The following PKLR variants were observed in gnomAD, a reference collection of about 807,000 sequenced individuals.
The protein encoded by PKLR is pyruvate kinase L/R, also known as pyruvate kinase PKLR.
A neutral mutation model predicts 53.6 loss-of-function variants in PKLR; 38 were observed. The observed-to-expected ratio is 0.71, with a 90% CI of 0.55 to 0.93. The LOEUF is 0.93. PKLR is among the 40% of genes least tolerant of loss of function. The pLI is 0.00. For missense variants in PKLR, 702 were observed against 787.3 expected, an observed-to-expected ratio of 0.89 and a Z score of 1.30; for synonymous variants, 328 against 316.2, an observed-to-expected ratio of 1.04 and a Z score of -0.39.
At chr1:155,301,614 A>G (rs1031287922), upstream of PKLR, among the ~76,000 whole-genome samples, 2 of 151,940 alleles carry the variant, frequency 1.3e-5, no homozygotes, top group African/African-American at 2.4e-5. Flanking sequence ...CAATCCATTC[A>G]TACTATCTGG....
rs190802178 is a variant in PKLR at position 155,295,954 on chromosome 1, G to A, written c.284-198C>T. Reference sequence around the variant, plus strand: ...CAACATCCATCCCCTTGGGGAGGCAGCAGTGTGGAAATCGGAGGGGAGTGC... The same window carrying A: ...CAACATCCATCCCCTTGGGGAGGCAACAGTGTGGAAATCGGAGGGGAGTGC... On this transcript the variant is annotated intron_variant, in intron 2 of 10. Coordinates refer to ENST00000342741, the MANE Select transcript of PKLR (RefSeq NM_000298.6). The surrounding 1 kb of genome is among the most constrained non-coding windows in gnomAD (Gnocchi z 4.3). Among the ~76,000 whole-genome samples the A allele has an allele frequency of 1.1e-4, 17 of 152,322 alleles. No homozygotes were observed. Among genetic ancestry groups the A allele is most frequent in the Admixed American group, 1.1e-3 (17 of 15,306 alleles).
At chr1:155,302,098 C>T (rs2148221731), upstream of PKLR, among the ~76,000 whole-genome samples, 1 of 150,918 alleles carries the variant, frequency 6.6e-6, no homozygotes, top group South Asian at 2.1e-4. Flanking sequence ...CACTCTGTCG[C>T]CCAGGCTGGA....
chr1:155,296,481 T>G (rs568549236), intron 2 of PKLR, among the ~76,000 whole-genome samples: 1 of 152,120 alleles, frequency 6.6e-6, no homozygotes, highest in African/African-American at 2.4e-5. Flanking sequence ...TAGCTGGGAT[T>G]ACAGGTGTGC....
chr1:155,303,053 C>A (rs1648116679), upstream of PKLR, among the ~76,000 whole-genome samples: 1 of 152,186 alleles, frequency 6.6e-6, no homozygotes, highest in Non-Finnish European at 1.5e-5. Flanking sequence ...CCTATAAACA[C>A]CATACCCCGA....
Position 155,293,602 on chromosome 1 carries a change from C to T in PKLR, c.1117-12G>A, listed in dbSNP as rs367709078. ...ATGCTCTCCAGCATCTGGGGGACAGCGTGGATGTCAAAGTTGTAGGACTCA... is the reference window on the plus strand; with the variant it reads ...ATGCTCTCCAGCATCTGGGGGACAGTGTGGATGTCAAAGTTGTAGGACTCA... On this transcript the variant is annotated splice_polypyrimidine_tract_variant and intron_variant, in intron 7 of 10. Transcript: ENST00000342741. This position sits in a 1 kb window ranked among gnomAD's most constrained non-coding sequence, Gnocchi z 4.2. 5.5e-5 allele frequency: 88 copies of T among 1,613,984 alleles called. 1 individual carries two copies. In the South Asian group the frequency reaches 7.4e-4, roughly 13 times the overall value.
intron 1 of PKLR, 162 bp downstream of exon 1, chr1:155,301,134 G>A: frequency 2.9e-6 from 4 of 1,359,372 alleles, no homozygotes; most frequent in Non-Finnish European, 4.1e-6. Context: ...CCCAGGCCAG[G>A]GTCCATAATT....
chr1:155,306,282 A>G (rs1434379185), upstream of PKLR, among the ~76,000 whole-genome samples: 1 of 152,132 alleles, frequency 6.6e-6, no homozygotes, highest in Non-Finnish European at 1.5e-5. The surrounding 1 kb of genome is among the most constrained non-coding windows in gnomAD (Gnocchi z 4.2). Context: ...ACAAACACAC[A>G]TGCTCCAACA....
At chr1:155,306,977 C>T in the PKLR span, among the ~76,000 whole-genome samples, 4 of 152,144 alleles carry the variant, frequency 2.6e-5, no homozygotes, top group South Asian at 2.1e-4. This position sits in a 1 kb window ranked among gnomAD's most constrained non-coding sequence, Gnocchi z 4.2. Flanking sequence ...CCTCCCGGAG[C>T]GATCTCGGTT....
Position 155,301,374 on chromosome 1 carries a change from A to T in PKLR, c.22T>A (p.Ser8Thr). The T allele has an allele frequency of 3.1e-6, 5 of 1,613,930 alleles. No homozygotes were observed. Among genetic ancestry groups the T allele is most frequent in the Non-Finnish European group, 4.2e-6 (5 of 1,179,890 alleles). The change falls in exon 1 of 11, where the codon TCA (serine) becomes ACA (threonine). Residue 8 changes from serine (S) to threonine (T), a missense_variant. Physicochemically the swap from Ser to Thr is moderately conservative, Grantham distance 58. Transcript: ENST00000342741. Reference sequence around the variant, plus strand: ...ACCCATGACCGAAGCTGCAGGGATGATATGTTCTCCTGGATCGACATGCTT... The same window carrying T: ...ACCCATGACCGAAGCTGCAGGGATGTTATGTTCTCCTGGATCGACATGCTT... MSIQENI[S>T]SLQLRSWVSK...
At chr1:155,305,042 A>G (rs1160881895), upstream of PKLR, among the ~76,000 whole-genome samples, 1 of 152,010 alleles carries the variant, frequency 6.6e-6, no homozygotes, top group African/African-American at 2.4e-5. Flanking sequence ...TGAGATGGAG[A>G]GGGTGAGGTT....
chr1:155,294,639 G>C lies in PKLR; in HGVS notation c.808C>G (p.Arg270Gly), dbSNP rs772860949. 2.5e-6 allele frequency: 4 copies of C among 1,614,180 alleles called. No homozygotes were observed. In the East Asian group the frequency reaches 6.7e-5, roughly 27 times the overall value. The part of the protein sequence containing the change: ...DLPGLSEQDV[R>G]DLRFGVEHGV... ...TGCTCCACCCCGAAGCGCAGGTCTC[G>C]GACGTCCTGCTCGGACAGCCCGGGC... Residue 270 changes from arginine (R) to glycine (G), a missense_variant, in exon 6 of 11, where the codon CGA becomes GGA. Physicochemically the swap from Arg to Gly is moderately radical, Grantham distance 125. This residue lies in a region of PKLR where 519 missense variants were observed against 537.1 expected (regional missense o/e 0.97). Coordinates refer to ENST00000342741, the MANE Select transcript of PKLR (RefSeq NM_000298.6).
Position 155,295,258 on chromosome 1 carries a change from C to T in PKLR, c.552G>A (p.Leu184=), listed in dbSNP as rs1187722061. The part of the protein sequence containing the change: ...EVELVKGSQV[L]VTVDPAFRTR... ...TCCGGAACGCGGGGTCCACAGTCAC[C>T]AGCACCTGGGAGCCCTTCACCAGCT... Residue 184 remains leucine, a synonymous_variant, in exon 5 of 11, where the codon CTG becomes CTA. Coordinates refer to ENST00000342741, the MANE Select transcript of PKLR (RefSeq NM_000298.6). This position sits in a 1 kb window ranked among gnomAD's most constrained non-coding sequence, Gnocchi z 4.3. 1.2e-6 allele frequency: 2 copies of T among 1,614,010 alleles called. No individual in the cohort carries two copies. Among genetic ancestry groups the T allele is most frequent in the African/African-American group, 1.3e-5 (1 of 74,944 alleles).
In PKLR at chr1:155,291,770, A is replaced by G. The variant is rs754526647; in HGVS notation, c.1604T>C (p.Phe535Ser). ...WADDVDRRVQ[F>S]GIESGKLRGF... ...AGGTAGCTCACCACTTTCAATGCCA[A>G]ATTGCACCCGGCGATCTACATCATC... is the stretch of plus-strand genomic sequence containing the variant. The change falls in exon 10 of 11, where the codon TTT becomes TCT. Residue 535 changes from phenylalanine (F) to serine (S), a missense_variant. This residue lies in a region of PKLR where 183 missense variants were observed against 250.2 expected (regional missense o/e 0.73). Coordinates refer to ENST00000342741, the MANE Select transcript of PKLR (RefSeq NM_000298.6). 2 of 1,613,978 alleles carry G rather than the reference A, an allele frequency of 1.2e-6. No individual in the cohort carries two copies. The highest frequency in any genetic ancestry group is 1.7e-6 in the Non-Finnish European group (2 of 1,179,964).
rs1169224759 is a variant in PKLR, at chr1:155,300,841, A to C, written c.100+455T>G. ...CAGACACAGAGGTCCCTGTAGCTTGACCCATCCCAGTTCAGAGGAGCCCCC... is the reference window on the plus strand; with the variant it reads ...CAGACACAGAGGTCCCTGTAGCTTGCCCCATCCCAGTTCAGAGGAGCCCCC... On this transcript the variant is annotated intron_variant, in intron 1 of 10. Transcript: ENST00000342741. 4 of 1,606,974 alleles carry C rather than the reference A, an allele frequency of 2.5e-6. No homozygotes were observed. In the Admixed American group the frequency reaches 6.8e-5, roughly 27 times the overall value.
Position 155,293,668 on chromosome 1 carries a change from C to T in PKLR, c.1117-78G>A. On this transcript the variant is annotated intron_variant, in intron 7 of 10. Transcript: ENST00000342741. This position sits in a 1 kb window ranked among gnomAD's most constrained non-coding sequence, Gnocchi z 4.2. ...CCCTGCCCAAGCTACTTCTCTGACA[C>T]CCACACTCTCAGAGTGTCCCAAAAT... The T allele has an allele frequency of 6.9e-7, 1 of 1,442,176 alleles. No individual in the cohort carries two copies. Among genetic ancestry groups the T allele is most frequent in the Non-Finnish European group, 9.7e-7 (1 of 1,029,764 alleles). The allele number at this position is 1,442,176 out of a possible 1,614,324, so 89.3% of individuals were successfully genotyped here. A position where few individuals can be genotyped will look rare whatever the true frequency, so the allele number is the denominator to read the frequency against.
intron 2 of PKLR, among the ~76,000 whole-genome samples, chr1:155,297,133 C>T (rs549096578): frequency 6.6e-6 from 1 of 152,172 alleles, no homozygotes. Context: ...TTCACCTACA[C>T]TCCTTTGGTG....
chr1:155,294,567 C>T lies in PKLR; in HGVS notation c.880G>A (p.Val294Met). ...FASFVRKASD[V>M]AAVRAALGPE... ...CCCAGAGCAGCCCTGACGGCAGCCA[C>T]GTCGCTGGCTTTCCGCACAAAGGAG... Residue 294 changes from valine (V) to methionine (M), a missense_variant, in exon 6 of 11, where the codon GTG (valine) becomes ATG (methionine). This residue lies in a region of PKLR where 519 missense variants were observed against 537.1 expected (regional missense o/e 0.97). Coordinates refer to ENST00000342741, the MANE Select transcript of PKLR (RefSeq NM_000298.6). 6.2e-7 allele frequency: 1 copy of T among 1,614,230 alleles called. No individual in the cohort carries two copies.
rs146187567 is a variant in PKLR at position 155,295,464 on chromosome 1, C to T, written c.480G>A (p.Pro160=). The stretch of plus-strand genomic sequence containing the variant: ...CCTGCAGGATCCCAGTGCGGATCTC[C>T]GGTCCCTTGGTGTCCAGGGCGATGG... ...PVAIALDTKG[P]EIRTGILQGG... Residue 160 remains proline, a synonymous_variant, in exon 4 of 11, where the codon CCG becomes CCA. Coordinates refer to ENST00000342741, the MANE Select transcript of PKLR (RefSeq NM_000298.6). This position sits in a 1 kb window ranked among gnomAD's most constrained non-coding sequence, Gnocchi z 4.3. 12 of 1,608,610 alleles carry T rather than the reference C, an allele frequency of 7.5e-6. No individual in the cohort carries two copies. The highest frequency in any genetic ancestry group is 5.3e-5 in the African/African-American group (4 of 74,826).
In PKLR at chr1:155,293,673, ACT is replaced by A. The variant is rs898218339; in HGVS notation, c.1117-85_1117-84del. On this transcript the variant is annotated intron_variant, in intron 7 of 10. Coordinates refer to ENST00000342741, the MANE Select transcript of PKLR (RefSeq NM_000298.6). This position sits in a 1 kb window ranked among gnomAD's most constrained non-coding sequence, Gnocchi z 4.2. ...CCCAAGCTACTTCTCTGACACCCACACTCTCAGAGTGTCCCAAAATCCAGGGT... is the reference window on the plus strand; with the variant it reads ...CCCAAGCTACTTCTCTGACACCCACACTCAGAGTGTCCCAAAATCCAGGGT... The A allele has an allele frequency of 1.1e-4, 149 of 1,398,666 alleles. No individual in the cohort carries two copies. Among genetic ancestry groups the A allele is most frequent in the Non-Finnish European group, 1.4e-4 (140 of 992,200 alleles). The allele number at this position is 1,398,666 out of a possible 1,614,324, so 86.6% of individuals were successfully genotyped here.
Sources: gnomAD v4.1 joint callset for allele counts (sites outside exome capture counted in the v4.1 genomes callset) on GRCh38, gnomAD v4.1.1 for gene constraint, gnomAD v4.1.1 regional missense constraint, Gnocchi (gnomAD v3.1) non-coding constraint, MANE v1.5 for transcripts, NCBI Gene and HGNC (gene_info 2026-07-23, HGNC 2026-07-21) for gene names.